BICRA: variants seen among roughly 807,000 people sequenced by gnomAD.
BICRA encodes BRD4-interacting chromatin-remodeling complex-associated protein.
In BICRA, 31 loss-of-function variants were observed where a neutral mutation model predicts 96.9. The observed-to-expected ratio is 0.32, with a 90% CI of 0.24 to 0.43. BICRA has a LOEUF of 0.43. Among genes scored for constraint, BICRA ranks in the 20% least tolerant of loss-of-function variants. The pLI is 1.00. For missense variants in BICRA, 2,283 were observed against 2,190.3 expected (o/e 1.04, Z -0.84); for synonymous variants, 1,350 against 1,071.8 (o/e 1.26, Z -5.07).
chr19:47,690,647 T>C (rs1314432179), intron 7 of BICRA, among the ~76,000 whole-genome samples: 2 of 152,184 alleles, frequency 1.3e-5, no homozygotes, highest in African/African-American at 4.8e-5. Flanking sequence ...GTGCACTGTC[T>C]GATCATATCC....
chr19:47,646,518 C>T (rs559508140), intron 1 of BICRA, among the ~76,000 whole-genome samples: 2 of 152,290 alleles, frequency 1.3e-5, no homozygotes, highest in South Asian at 4.1e-4. Flanking sequence ...CTTTTTGAGC[C>T]TTAGCCCGGG....
chr19:47,673,899 G>T, intron 4 of BICRA, 137 bp downstream of exon 4: 1 of 765,718 alleles, frequency 1.3e-6, no homozygotes, highest in South Asian at 1.5e-5. Context: ...TGGAGTTACG[G>T]CCATGAGCAA....
At chr19:47,681,375 C>T in intron 6 of BICRA, 99 bp downstream of exon 6, 1 of 1,035,026 alleles carries the variant, frequency 9.7e-7, no homozygotes, top group Non-Finnish European at 1.3e-6. Context: ...GTGGATGCCA[C>T]TGTGGCAGCT....
intron 1 of BICRA, among the ~76,000 whole-genome samples, chr19:47,640,422 C>T (rs572735326): frequency 1.7e-4 from 26 of 151,408 alleles, no homozygotes; most frequent in Non-Finnish European, 2.8e-4. Context: ...CCCAGCTACT[C>T]GGGAGGCTGA....
rs1973022195 is a variant in BICRA at position 47,680,416 on chromosome 19, G to T, written c.1246G>T (p.Ala416Ser). Residue 416 changes from alanine to serine, a missense_variant, in exon 6 of 15, where the codon GCG becomes TCG. Transcript: ENST00000594866. ...GQNVVLSGFP[A>S]PALQANVFKQ... ...GAACGTGGTGCTGTCGGGCTTCCCC[G>T]CGCCTGCGCTGCAAGCGAACGTCTT... 2 of 1,535,776 alleles carry T rather than the reference G, an allele frequency of 1.3e-6. No homozygotes were observed. The highest frequency in any genetic ancestry group is 1.7e-6 in the Non-Finnish European group (2 of 1,145,748).
Position 47,694,503 on chromosome 19 carries a change from C to G in BICRA, c.2672C>G (p.Ser891Cys), listed in dbSNP as rs1329818050. 5 of 1,596,898 alleles carry G rather than the reference C, an allele frequency of 3.1e-6. No homozygotes were observed. The highest frequency in any genetic ancestry group is 3.4e-6 in the Non-Finnish European group (4 of 1,168,976). The change falls in exon 8 of 15, where the codon TCC (serine) becomes TGC (cysteine). Residue 891 changes from serine to cysteine, a missense_variant. Physicochemically the swap from Ser to Cys is moderately radical, Grantham distance 112. Transcript: ENST00000594866. ...TCCACCTCCTCTGCTGTGGCCTCCT[C>G]CTCTGAGACGTCCTCCAGGTTGCCA... ...PSSTSSAVASSSETSSRLPAP... is the reference protein window; with the variant it reads ...PSSTSSAVASCSETSSRLPAP...
chr19:47,637,817 G>T (rs1352500715), intron 1 of BICRA, among the ~76,000 whole-genome samples: 1 of 152,138 alleles, frequency 6.6e-6, no homozygotes, highest in Non-Finnish European at 1.5e-5. Context: ...TGTGTCTGGT[G>T]TCTTTCTCTC....
intron 2 of BICRA, among the ~76,000 whole-genome samples, chr19:47,671,169 C>T (rs886856897): frequency 6.6e-6 from 1 of 152,166 alleles, no homozygotes. Context: ...GCAAATATGC[C>T]CCAGCCCACT....
At chr19:47,629,836 T>C (rs1972194924) in intron 1 of BICRA, among the ~76,000 whole-genome samples, 1 of 152,130 alleles carries the variant, frequency 6.6e-6, no homozygotes, top group Non-Finnish European at 1.5e-5. Flanking sequence ...TTTTGTATTT[T>C]TAATAGAGAT....
At chr19:47,611,154 C>G (rs988260282) in intron 1 of BICRA, among the ~76,000 whole-genome samples, 16 of 152,114 alleles carry the variant, frequency 1.1e-4, no homozygotes, top group South Asian at 8.3e-4. Context: ...TGGAGTTTTT[C>G]CAGCTTGGCT....
intron 1 of BICRA, among the ~76,000 whole-genome samples, chr19:47,636,635 G>A (rs913013001): frequency 6.6e-6 from 1 of 152,142 alleles, no homozygotes; most frequent in African/African-American, 2.4e-5. Context: ...CACCACCTGA[G>A]TGGCTAGGAT....
intron 1 of BICRA, among the ~76,000 whole-genome samples, chr19:47,665,229 A>T (rs1972760914): frequency 6.6e-6 from 1 of 152,132 alleles, no homozygotes; most frequent in Non-Finnish European, 1.5e-5. Context: ...CTAAATGTAC[A>T]TTTCAGCAGG....
At chr19:47,668,779 C>A (rs563768006) in intron 1 of BICRA, among the ~76,000 whole-genome samples, 3 of 152,212 alleles carry the variant, frequency 2.0e-5, no homozygotes, top group African/African-American at 7.2e-5. Flanking sequence ...GCATGAGCCA[C>A]GGCGCCCGGC....
rs1266332221 is a variant in BICRA at position 47,694,378 on chromosome 19, C to G, written c.2547C>G (p.Asn849Lys). The change falls in exon 8 of 15, where the codon AAC becomes AAG. Residue 849 changes from asparagine to lysine, a missense_variant. Transcript: ENST00000594866. Reference sequence around the variant, plus strand: ...TAGGCGTTCCCCCGCCTGCCAGCAACCCGGCCCCTACTGCCCCAGGCCCGC... The same window carrying G: ...TAGGCGTTCCCCCGCCTGCCAGCAAGCCGGCCCCTACTGCCCCAGGCCCGC... The part of the protein sequence containing the change: ...NQLGVPPPAS[N>K]PAPTAPGPPQ... 7.9e-7 allele frequency: 1 copy of G among 1,273,300 alleles called. No homozygotes were observed. The highest frequency in any genetic ancestry group is 1.5e-5 in the African/African-American group (1 of 65,962). The allele number at this position is 1,273,300 out of a possible 1,614,324, so 78.9% of individuals were successfully genotyped here. A position where few individuals can be genotyped will look rare whatever the true frequency, so the allele number is the denominator to read the frequency against.
At position 47,680,917 on chromosome 19, in the gene BICRA, C is replaced by T. The variant is rs1280221619; in HGVS notation, c.1747C>T (p.Leu583Phe). Residue 583 changes from leucine to phenylalanine, a missense_variant, in exon 6 of 15, where the codon CTC becomes TTC. Coordinates refer to ENST00000594866, the MANE Select transcript of BICRA (RefSeq NM_001394372.1). ...APAGPAATTVLQGVTLPPSAV... is the reference protein window; with the variant it reads ...APAGPAATTVFQGVTLPPSAV... ...CGCCGGGCCGGCCGCCACCACTGTC[C>T]TCCAGGGGGTCACCCTGCCCCCCAG... The T allele has an allele frequency of 1.3e-6, 2 of 1,482,306 alleles. No homozygotes were observed. Among genetic ancestry groups the T allele is most frequent in the Admixed American group, 2.5e-5 (1 of 39,576 alleles). The allele number at this position is 1,482,306 out of a possible 1,614,324, so 91.8% of individuals were successfully genotyped here.
rs1973501364 is a variant in BICRA at position 47,703,254 on chromosome 19, A to G, written c.*839A>G. 1 of 152,068 alleles carries G rather than the reference A, an allele frequency of 6.6e-6. No homozygotes were observed. Among genetic ancestry groups the G allele is most frequent in the African/African-American group, 2.4e-5 (1 of 41,236 alleles). The allele number at this position is 152,068 out of a possible 1,614,324, so 9.4% of individuals were successfully genotyped here. On this transcript the variant is annotated 3_prime_UTR_variant, in exon 15 of 15. Coordinates refer to ENST00000594866, the MANE Select transcript of BICRA (RefSeq NM_001394372.1). ...CATTTAGAACTCTTGTAAATTAAAAACCGATCCTTTTTTTAAAACTGTACT... is the reference window on the plus strand; with the variant it reads ...CATTTAGAACTCTTGTAAATTAAAAGCCGATCCTTTTTTTAAAACTGTACT...
upstream of BICRA, among the ~76,000 whole-genome samples, chr19:47,608,836 A>AGAGGAGGAGGAG (rs554119282): frequency 6.9e-6 from 1 of 144,480 alleles, no homozygotes. Flanking sequence ...GGCGGAGGGA[A>AGAGGAGGAGGAG]GAGGAGGAGG....
chr19:47,693,397 C>T (rs1013421260), intron 7 of BICRA, among the ~76,000 whole-genome samples: 1 of 152,224 alleles, frequency 6.6e-6, no homozygotes, highest in East Asian at 1.9e-4. Context: ...GCTCACGTGG[C>T]GCCCAGGTAG....
At chr19:47,618,068 CCT>C (rs1396539393) in intron 1 of BICRA, among the ~76,000 whole-genome samples, 2 of 152,120 alleles carry the variant, frequency 1.3e-5, no homozygotes, top group East Asian at 3.9e-4. Context: ...TGGTGAATTC[CCT>C]GTCTTGGCCA....
Sources: gnomAD v4.1 joint callset for allele counts (sites outside exome capture counted in the v4.1 genomes callset) on GRCh38, gnomAD v4.1.1 for gene constraint, MANE v1.5 for transcripts, NCBI Gene and HGNC (gene_info 2026-07-23, HGNC 2026-07-21) for gene names.